CCN6: variants seen among roughly 807,000 people sequenced by gnomAD.
The protein encoded by CCN6 is cellular communication network factor 6, also known as CCN family member 6.
Under a neutral mutation model 37.4 loss-of-function variants are expected in CCN6, and 31 were observed. That is an observed-to-expected ratio of 0.83 (90% confidence interval 0.62 to 1.12). The LOEUF is 1.12. Ranked by LOEUF, CCN6 falls within the 50% of genes most tolerant of loss-of-function variation. The pLI is 0.00. For missense variants in CCN6, 369 were observed against 413.8 expected (o/e 0.89, Z 0.94); for synonymous variants, 137 against 142.1 (o/e 0.96, Z 0.26).
At chr6:112,053,364 TCG>T (rs1554311064), upstream of CCN6, among the ~76,000 whole-genome samples, 2 of 151,234 alleles carry the variant, frequency 1.3e-5, no homozygotes, top group Non-Finnish European at 2.9e-5. Context: ...TGGTGCGATC[TCG>T]GCTCACTGCA....
chr6:112,069,260 T>C (rs1554314669), intron 4 of CCN6, 79 bp from the exon 5 acceptor site: 1 of 1,488,380 alleles, frequency 6.7e-7, no homozygotes. Context: ...CTCAGATTTG[T>C]ACTATAAACT....
intron 1 of CCN6, among the ~76,000 whole-genome samples, chr6:112,060,685 A>G (rs1776487470): frequency 6.6e-6 from 1 of 152,108 alleles, no homozygotes; most frequent in African/African-American, 2.4e-5. Flanking sequence ...TAGAGGCCTT[A>G]TCCATGGGGC....
chr6:112,067,543 G>A (rs984009215), intron 3 of CCN6, among the ~76,000 whole-genome samples: 1 of 151,956 alleles, frequency 6.6e-6, no homozygotes, highest in South Asian at 2.1e-4. Context: ...TATGTAATTC[G>A]AAATCTTAGC....
intron 3 of CCN6, 109 bp from the exon 4 acceptor site, chr6:112,068,091 GTTATA>G (rs1467250475): frequency 3.6e-5 from 33 of 919,466 alleles, no homozygotes; most frequent in Middle Eastern, 3.4e-4. Context: ...TTTATTCTGA[GTTATA>G]TTATACAAAA....
At chr6:112,068,713 C>CACTA (rs1478090424) in intron 4 of CCN6, among the ~76,000 whole-genome samples, 2 of 152,082 alleles carry the variant, frequency 1.3e-5, no homozygotes, top group African/African-American at 4.8e-5. Context: ...AGTTATATAT[C>CACTA]ACTAACTTGG....
At chr6:112,065,579 C>CACACGCACACACACACAA (rs1776656103) in intron 3 of CCN6, among the ~76,000 whole-genome samples, 1 of 107,040 alleles carries the variant, frequency 9.3e-6, no homozygotes, top group Non-Finnish European at 2.1e-5. Context: ...CACACACAAA[C>CACACGCACACACACACAA]ACACACACGC....
intron 1 of CCN6, 42 bp from the exon 2 acceptor site, chr6:112,060,949 T>C (rs368923495): frequency 2.2e-5 from 35 of 1,610,920 alleles, no homozygotes; most frequent in Admixed American, 1.5e-4. Context: ...TACTATTACA[T>C]AGAGAAGCTA....
chr6:112,056,910 C>A (rs1435730479), intron 1 of CCN6, among the ~76,000 whole-genome samples: 1 of 152,014 alleles, frequency 6.6e-6, no homozygotes, highest in Admixed American at 6.6e-5. Context: ...CAATCTCTTC[C>A]TCCTCCTCCG....
At chr6:112,063,025 C>T (rs970151636) in intron 2 of CCN6, among the ~76,000 whole-genome samples, 2 of 152,204 alleles carry the variant, frequency 1.3e-5, no homozygotes, top group Non-Finnish European at 1.5e-5. Flanking sequence ...TATGAAAAAA[C>T]ATGTAACTTA....
intron 1 of CCN6, among the ~76,000 whole-genome samples, chr6:112,060,688 C>T (rs74949091): frequency 0.022 from 3,272 of 152,010 alleles, 122 homozygotes; most frequent in African/African-American, 0.076. Context: ...AGGCCTTATC[C>T]ATGGGGCTCT....
chr6:112,065,777 T>C (rs782088284), intron 3 of CCN6, among the ~76,000 whole-genome samples: 17 of 152,132 alleles, frequency 1.1e-4, no homozygotes, highest in South Asian at 2.1e-4. Flanking sequence ...AGTATACTTA[T>C]AAACCTTGTA....
chr6:112,056,397 G>A (rs1184828815), intron 1 of CCN6, among the ~76,000 whole-genome samples: 4 of 151,112 alleles, frequency 2.6e-5, no homozygotes, highest in African/African-American at 9.8e-5. Context: ...GTTTAACATT[G>A]TCTCTGGGCA....
intron 3 of CCN6, among the ~76,000 whole-genome samples, 195 bp from the exon 4 acceptor site, chr6:112,068,010 T>C (rs773710153): frequency 2.9e-4 from 44 of 152,146 alleles, no homozygotes; most frequent in Admixed American, 7.2e-4. Context: ...TGGACTGTAA[T>C]ACTTGATTGA....
intron 1 of CCN6, 124 bp from the exon 2 acceptor site, chr6:112,060,867 G>T: frequency 9.0e-7 from 1 of 1,105,220 alleles, no homozygotes; most frequent in Admixed American, 2.0e-5. Context: ...AATGCTGATA[G>T]GTGTTATTAT....
intron 3 of CCN6, among the ~76,000 whole-genome samples, chr6:112,067,690 A>G (rs1295918116): frequency 6.6e-6 from 1 of 152,184 alleles, no homozygotes; most frequent in Non-Finnish European, 1.5e-5. Flanking sequence ...ACAGTTTTCT[A>G]AAAGACTAGA....
Position 112,066,958 on chromosome 6 carries a change from A to T in CCN6, c.590-1247A>T, listed in dbSNP as rs782770124. 2.3e-5 allele frequency: 31 copies of T among 1,365,756 alleles called. No homozygotes were observed. In the East Asian group the frequency reaches 1.4e-3, roughly 62 times the overall value. The allele number at this position is 1,365,756 out of a possible 1,614,324, so 84.6% of individuals were successfully genotyped here. On this transcript the variant is annotated intron_variant, in intron 3 of 4. Coordinates refer to ENST00000368666, the MANE Select transcript of CCN6 (RefSeq NM_198239.2). ...TAACACGGTAATCTAACCTGCCTTT[A>T]TTTATTGCAGATGTGTGCCAAGCTT...
chr6:112,067,728 C>T (rs1457451606), intron 3 of CCN6, among the ~76,000 whole-genome samples: 1 of 152,128 alleles, frequency 6.6e-6, no homozygotes, highest in African/African-American at 2.4e-5. Flanking sequence ...AATCTGGTCT[C>T]ACTGATAGTC....
chr6:112,066,819 C>A, intron 3 of CCN6: 1 of 503,638 alleles, frequency 2.0e-6, no homozygotes, highest in Non-Finnish European at 3.2e-6. Context: ...ATGCTTTTTT[C>A]AATGCTCACC....
intron 1 of CCN6, chr6:112,054,623 G>A: frequency 1.8e-6 from 1 of 565,186 alleles, no homozygotes; most frequent in Non-Finnish European, 3.2e-6. Flanking sequence ...TCCCTTTCAG[G>A]TAATGGCACC....
Sources: gnomAD v4.1 joint callset for allele counts (sites outside exome capture counted in the v4.1 genomes callset) on GRCh38, gnomAD v4.1.1 for gene constraint, MANE v1.5 for transcripts, NCBI Gene and HGNC (gene_info 2026-07-23, HGNC 2026-07-21) for gene names.